The following SIPA1L1 variants were observed in gnomAD, a reference collection of about 807,000 sequenced individuals.
SIPA1L1 encodes signal induced proliferation associated 1 like 1.
SIPA1L1 carries 26 observed loss-of-function variants against 162.7 expected under a neutral mutation model. The observed-to-expected ratio is 0.16, with a 90% CI of 0.12 to 0.22. The LOEUF (loss-of-function observed/expected upper bound fraction) is 0.22. Among genes scored for constraint, SIPA1L1 ranks in the 10% least tolerant of loss-of-function variants. The probability of loss-of-function intolerance (pLI) is 1.00; values close to 1 mark genes in which losing one functional copy is unlikely to be tolerated. For missense variants in SIPA1L1, 1,874 were observed against 2,241.0 expected (o/e 0.84, Z 3.31); for synonymous variants, 829 against 837.4 (o/e 0.99, Z 0.17).
chr14:71,353,310 TGAA>T (rs778739759), intron 2 of SIPA1L1, among the ~76,000 whole-genome samples: 11 of 152,280 alleles, frequency 7.2e-5, no homozygotes, highest in Non-Finnish European at 1.6e-4. Flanking sequence ...CGTAACCACT[TGAA>T]GAAGTAAGGT....
chr14:71,478,025 A>T (rs967150551), intron 2 of SIPA1L1, among the ~76,000 whole-genome samples: 2 of 152,242 alleles, frequency 1.3e-5, no homozygotes, highest in African/African-American at 4.8e-5. Flanking sequence ...ATTTCCTGTT[A>T]TCAAGGTATT....
At chr14:71,685,130 A>G (rs557028316) in intron 12 of SIPA1L1, among the ~76,000 whole-genome samples, 1 of 152,276 alleles carries the variant, frequency 6.6e-6, no homozygotes, top group African/African-American at 2.4e-5. Context: ...AAGACTCCAT[A>G]TCTCGCACTC....
chr14:71,416,795 G>A (rs1431521721), intron 2 of SIPA1L1, among the ~76,000 whole-genome samples: 1 of 151,694 alleles, frequency 6.6e-6, no homozygotes, highest in East Asian at 1.9e-4. Context: ...AGTTTTATGT[G>A]TACCTTATTA....
Position 71,640,360 on chromosome 14 carries a change from A to G in SIPA1L1, c.1819-9975A>G, listed in dbSNP as rs923093611. The stretch of plus-strand genomic sequence containing the variant: ...AGATGTGGCACCAAGAGCTTGATCT[A>G]GAAAGAAAAAAAAAATTTGAGAAAT... On this transcript the variant is annotated intron_variant, in intron 7 of 23. Coordinates refer to ENST00000381232, the MANE Select transcript of SIPA1L1 (RefSeq NM_001386936.1). Among the ~76,000 whole-genome samples, 32 of 152,196 alleles carry G rather than the reference A, an allele frequency of 2.1e-4. No homozygotes were observed. The East Asian group carries it at 2.9e-3, about 14-fold the overall frequency.
At chr14:71,434,290 A>C (rs1017544914) in intron 2 of SIPA1L1, among the ~76,000 whole-genome samples, 9 of 152,232 alleles carry the variant, frequency 5.9e-5, no homozygotes, top group Non-Finnish European at 1.5e-5. Context: ...ATATATTTTA[A>C]AAGTGTTGAA....
rs58376035 is a variant in SIPA1L1, at chr14:71,590,381, A to G, written c.1498+1011A>G. Among the ~76,000 whole-genome samples the G allele has an allele frequency of 6.1e-3, 929 of 152,164 alleles. 12 individuals are homozygous for G. Among genetic ancestry groups the G allele is most frequent in the African/African-American group, 0.022 (897 of 41,518 alleles). On this transcript the variant is annotated intron_variant, in intron 5 of 23. Coordinates refer to ENST00000381232, the MANE Select transcript of SIPA1L1 (RefSeq NM_001386936.1). ...GCGAGAGGCTCCCTGTCTGCAAGCT[A>G]TTCTCACAGTGTTTTGATTTCCACT...
At chr14:71,425,569 C>T (rs558041271) in intron 2 of SIPA1L1, among the ~76,000 whole-genome samples, 23 of 152,248 alleles carry the variant, frequency 1.5e-4, no homozygotes, top group African/African-American at 5.3e-4. Context: ...GTTGTGATTG[C>T]AGAAGACATT....
chr14:71,513,876 G>GA (rs1226937854), intron 3 of SIPA1L1, among the ~76,000 whole-genome samples: 2 of 152,202 alleles, frequency 1.3e-5, no homozygotes, highest in Admixed American at 1.3e-4. Flanking sequence ...GGTCAGGCTA[G>GA]AAACTCGCAG....
At position 71,587,735 on chromosome 14, in the gene SIPA1L1, C is replaced by G; in HGVS notation, c.-138C>G. 1 of 803,530 alleles carries G rather than the reference C, an allele frequency of 1.2e-6. No individual in the cohort carries two copies. Among genetic ancestry groups the G allele is most frequent in the Non-Finnish European group, 2.0e-6 (1 of 508,890 alleles). 49.8% of individuals were successfully genotyped at this position (803,530 alleles called of 1,614,324 possible). A position where few individuals can be genotyped will look rare whatever the true frequency, so the allele number is the denominator to read the frequency against. On this transcript the variant is annotated 5_prime_UTR_variant, in exon 5 of 24. Transcript: ENST00000381232. ...GCTTTACAAATAAAGCATCATTTAA[C>G]CTTTTAAATGAAAAAGATTAAGATC...
chr14:71,657,487 CTT>C (rs527456164), intron 8 of SIPA1L1, among the ~76,000 whole-genome samples: 20 of 151,830 alleles, frequency 1.3e-4, no homozygotes, highest in Middle Eastern at 3.4e-3. Flanking sequence ...AAGTTAATAA[CTT>C]TTTTCTGCAG....
intron 2 of SIPA1L1, among the ~76,000 whole-genome samples, chr14:71,502,325 G>A (rs1595795073): frequency 1.4e-5 from 2 of 146,364 alleles, no homozygotes; most frequent in African/African-American, 5.1e-5. Flanking sequence ...TGTAACCTCC[G>A]CCTCCAGGGT....
intron 13 of SIPA1L1, among the ~76,000 whole-genome samples, chr14:71,691,585 C>T (rs960399019): frequency 2.0e-5 from 3 of 152,064 alleles, no homozygotes; most frequent in Non-Finnish European, 4.4e-5. Flanking sequence ...AGAGTGAGAC[C>T]CTGTCCCTCC....
At chr14:71,683,217 G>A (rs779299598) in intron 12 of SIPA1L1, among the ~76,000 whole-genome samples, 1 of 152,210 alleles carries the variant, frequency 6.6e-6, no homozygotes, top group Admixed American at 6.5e-5. Flanking sequence ...ATTGGAGGTG[G>A]AAGAGGTAGT....
At chr14:71,491,813 C>CACACACACACACACACACA (rs1555437273) in intron 2 of SIPA1L1, among the ~76,000 whole-genome samples, 8 of 147,898 alleles carry the variant, frequency 5.4e-5, no homozygotes, top group East Asian at 4.0e-4. Context: ...CACACACACA[C>CACACACACACACACACACA]CCCTTCCCCC....
At chr14:71,414,513 A>C (rs2042623732) in intron 2 of SIPA1L1, among the ~76,000 whole-genome samples, 1 of 152,266 alleles carries the variant, frequency 6.6e-6, no homozygotes, top group Non-Finnish European at 1.5e-5. Context: ...AATATGGGAA[A>C]TGCTTGTGCA....
At chr14:71,671,761 C>T in intron 11 of SIPA1L1, 69 bp downstream of exon 11, 1 of 1,180,696 alleles carries the variant, frequency 8.5e-7, no homozygotes. Flanking sequence ...AGACTAGAGC[C>T]AAGTTACTGA....
chr14:71,676,338 T>C (rs2149436762), intron 12 of SIPA1L1, among the ~76,000 whole-genome samples: 1 of 151,968 alleles, frequency 6.6e-6, no homozygotes, highest in African/African-American at 2.4e-5. Flanking sequence ...AACAAGGCTC[T>C]CTTCCCTGTT....
chr14:71,355,068 C>A (rs1464253559), intron 2 of SIPA1L1, among the ~76,000 whole-genome samples: 1 of 152,140 alleles, frequency 6.6e-6, no homozygotes, highest in African/African-American at 2.4e-5. Flanking sequence ...TCATTAAGGG[C>A]CTTCAGAAAC....
intron 2 of SIPA1L1, among the ~76,000 whole-genome samples, chr14:71,345,819 C>T (rs761491049): frequency 3.9e-5 from 6 of 152,092 alleles, no homozygotes; most frequent in Non-Finnish European, 5.9e-5. Context: ...CCGCCTGCCT[C>T]GGCCTCCTAA....
Sources: gnomAD v4.1 joint callset for allele counts (sites outside exome capture counted in the v4.1 genomes callset) on GRCh38, gnomAD v4.1.1 for gene constraint, MANE v1.5 for transcripts, NCBI Gene and HGNC (gene_info 2026-07-23, HGNC 2026-07-21) for gene names.